The following PPP4R3B variants were observed in gnomAD, a reference collection of about 807,000 sequenced individuals.
PPP4R3B encodes protein phosphatase 4 regulatory subunit 3B.
PPP4R3B carries 52 observed loss-of-function variants against 95.4 expected under a neutral mutation model. The ratio of observed to expected loss-of-function variants is 0.54; its 90% confidence interval spans 0.44 to 0.69. The LOEUF is 0.69. Ranked by LOEUF, PPP4R3B falls within the 30% of genes least tolerant of loss-of-function variation. The pLI is 0.00. For synonymous variants in PPP4R3B, 407 were observed against 343.9 expected (o/e 1.18, Z -2.03); for missense variants, 1,003 against 1,005.9 (o/e 1.00, Z 0.04).
At chr2:55,576,616 C>A (rs1219380053) in intron 11 of PPP4R3B, among the ~76,000 whole-genome samples, 1 of 148,752 alleles carries the variant, frequency 6.7e-6, no homozygotes. Context: ...GCAGAAGAAT[C>A]GCTTGAACTC....
intron 4 of PPP4R3B, among the ~76,000 whole-genome samples, chr2:55,595,610 T>G (rs903145215): frequency 2.4e-4 from 37 of 152,046 alleles, no homozygotes; most frequent in African/African-American, 8.4e-4. Flanking sequence ...TAAACTTTTA[T>G]AAAAAAGAGT....
chr2:55,606,725 A>C (rs1693453639), intron 2 of PPP4R3B, among the ~76,000 whole-genome samples: 1 of 150,332 alleles, frequency 6.7e-6, no homozygotes, highest in Admixed American at 6.7e-5. Context: ...CGGGAGGCTG[A>C]GGCAGGAGAA....
chr2:55,591,771 T>C, intron 4 of PPP4R3B: 1 of 539,988 alleles, frequency 1.9e-6, no homozygotes, highest in Non-Finnish European at 2.4e-6. Flanking sequence ...CTAGTATTTT[T>C]TCCCTGATTT....
At chr2:55,577,830 A>ATT (rs1408544777) in intron 10 of PPP4R3B, among the ~76,000 whole-genome samples, 1 of 151,936 alleles carries the variant, frequency 6.6e-6, no homozygotes. Flanking sequence ...AAAAAACTCA[A>ATT]TTAAGTAGGC....
chr2:55,605,542 G>A (rs912842832), intron 2 of PPP4R3B, among the ~76,000 whole-genome samples: 1 of 151,992 alleles, frequency 6.6e-6, no homozygotes, highest in Admixed American at 6.6e-5. Context: ...CTTCTTCCTG[G>A]CTATGCTTTT....
chr2:55,597,554 G>A (rs368015802), intron 4 of PPP4R3B, among the ~76,000 whole-genome samples: 9 of 152,012 alleles, frequency 5.9e-5, no homozygotes, highest in African/African-American at 1.9e-4. Flanking sequence ...CCCGGGAGGC[G>A]GAGCTTGCAG....
chr2:55,605,904 CAAA>C (rs35675375), intron 2 of PPP4R3B, among the ~76,000 whole-genome samples: 2 of 86,380 alleles, frequency 2.3e-5, no homozygotes, highest in African/African-American at 4.0e-5. Flanking sequence ...GACTCCGTCT[CAAA>C]AAAAAAAAAA....
At chr2:55,579,568 G>C in intron 9 of PPP4R3B, 111 bp downstream of exon 9, 1 of 600,428 alleles carries the variant, frequency 1.7e-6, no homozygotes, top group Non-Finnish European at 2.6e-6. Flanking sequence ...AAGTTTTTCA[G>C]TCGTAATCTC....
chr2:55,584,709 C>T (rs1011579950), intron 7 of PPP4R3B, among the ~76,000 whole-genome samples: 1 of 152,116 alleles, frequency 6.6e-6, no homozygotes, highest in African/African-American at 2.4e-5. Context: ...CAAATAAAAG[C>T]AACTTTTTAG....
chr2:55,611,395 C>G (rs1192562188), intron 2 of PPP4R3B, among the ~76,000 whole-genome samples: 1 of 152,144 alleles, frequency 6.6e-6, no homozygotes, highest in South Asian at 2.1e-4. Context: ...TTCTGTCACA[C>G]CTATCAGGTA....
chr2:55,590,213 G>GCTA (rs1447721073), intron 4 of PPP4R3B, among the ~76,000 whole-genome samples: 1 of 151,274 alleles, frequency 6.6e-6, no homozygotes, highest in Non-Finnish European at 1.5e-5. Flanking sequence ...TGTAATCCTA[G>GCTA]CTACTAGGGA....
intron 13 of PPP4R3B, among the ~76,000 whole-genome samples, chr2:55,567,055 G>C (rs926159043): frequency 8.5e-5 from 13 of 152,136 alleles, no homozygotes; most frequent in African/African-American, 3.1e-4. Flanking sequence ...CAACTATGTG[G>C]CCATTTCCTC....
At chr2:55,609,667 C>CAAAAAAAA (rs58617547) in intron 2 of PPP4R3B, among the ~76,000 whole-genome samples, 5 of 103,500 alleles carry the variant, frequency 4.8e-5, no homozygotes, top group Admixed American at 1.0e-4. Flanking sequence ...GACTGTGTCT[C>CAAAAAAAA]AAAAAAAAAA....
intron 15 of PPP4R3B, among the ~76,000 whole-genome samples, chr2:55,562,972 T>C (rs1196983774): frequency 6.6e-6 from 1 of 152,208 alleles, no homozygotes; most frequent in African/African-American, 2.4e-5. Flanking sequence ...TTTTTCTGTT[T>C]GTGTTATGAC....
At chr2:55,566,291 G>A (rs1397358009) in intron 13 of PPP4R3B, among the ~76,000 whole-genome samples, 1 of 151,982 alleles carries the variant, frequency 6.6e-6, no homozygotes, top group South Asian at 2.1e-4. Context: ...TATGTGAAAC[G>A]AAAAAATACA....
chr2:55,559,018 C>G (rs1686236513), intron 15 of PPP4R3B, 50 bp from the exon 16 acceptor site: 1 of 1,420,558 alleles, frequency 7.0e-7, no homozygotes, highest in Non-Finnish European at 9.7e-7. Context: ...ACTGCTAAGT[C>G]AAAACATCTA....
chr2:55,568,719 C>A (rs1687609500), intron 12 of PPP4R3B, among the ~76,000 whole-genome samples: 1 of 152,148 alleles, frequency 6.6e-6, no homozygotes, highest in Non-Finnish European at 1.5e-5. Flanking sequence ...CAAATGCTAG[C>A]AGTATTTACA....
At chr2:55,591,349 C>T (rs1249042364) in intron 4 of PPP4R3B, among the ~76,000 whole-genome samples, 1 of 151,536 alleles carries the variant, frequency 6.6e-6, no homozygotes, top group Non-Finnish European at 1.5e-5. Context: ...CACTTTGTTG[C>T]CCAGGCTGGT....
chr2:55,604,756 T>C (rs902749926), intron 2 of PPP4R3B, among the ~76,000 whole-genome samples: 21 of 151,960 alleles, frequency 1.4e-4, no homozygotes, highest in Non-Finnish European at 2.9e-5. Context: ...TGTCACCCCT[T>C]GTATTAGAAA....
Sources: gnomAD v4.1 joint callset for allele counts (sites outside exome capture counted in the v4.1 genomes callset) on GRCh38, gnomAD v4.1.1 for gene constraint, MANE v1.5 for transcripts, NCBI Gene and HGNC (gene_info 2026-07-23, HGNC 2026-07-21) for gene names.